Variants in DCLK1 observed in about 807,000 individuals in gnomAD.
The protein encoded by DCLK1 is doublecortin like kinase 1, also known as serine/threonine-protein kinase DCLK1.
Under a neutral mutation model 86.2 loss-of-function variants are expected in DCLK1, and 16 were observed. The ratio of observed to expected loss-of-function variants is 0.19; its 90% CI spans 0.13 to 0.28. The LOEUF is 0.28. Among genes scored for constraint, DCLK1 ranks in the 10% least tolerant of loss-of-function variants. The probability of loss-of-function intolerance (pLI) is 1.00; values close to 1 mark genes in which losing one functional copy is unlikely to be tolerated. For missense variants in DCLK1, 590 were observed against 940.2 expected, an observed-to-expected ratio of 0.63 and a Z score of 4.87; for synonymous variants, 369 against 370.5, an observed-to-expected ratio of 1.00 and a Z score of 0.05.
At chr13:35,981,658 A>T (rs575008406) in intron 3 of DCLK1, among the ~76,000 whole-genome samples, 3 of 152,284 alleles carry the variant, frequency 2.0e-5, no homozygotes, top group African/African-American at 7.2e-5. Flanking sequence ...CATCCATTGT[A>T]TTATATATCA....
intron 3 of DCLK1, among the ~76,000 whole-genome samples, chr13:36,060,946 G>C (rs576225503): frequency 6.6e-6 from 1 of 152,198 alleles, no homozygotes; most frequent in African/African-American, 2.4e-5. Flanking sequence ...TGTGATGAAT[G>C]CAACACCTGG....
intron 3 of DCLK1, among the ~76,000 whole-genome samples, chr13:36,082,484 G>A (rs1280736519): frequency 2.0e-5 from 3 of 152,070 alleles, no homozygotes; most frequent in Non-Finnish European, 4.4e-5. Context: ...TAACTGTGTG[G>A]GAGGTTGATT....
intron 3 of DCLK1, among the ~76,000 whole-genome samples, chr13:36,089,528 G>A (rs151332492): frequency 7.6e-4 from 115 of 152,188 alleles, no homozygotes; most frequent in African/African-American, 1.8e-3. Context: ...CAGGAACTCC[G>A]GGTTGTCCAT....
At chr13:35,793,538 G>A (rs2153099607) in intron 15 of DCLK1, 59 bp from the exon 16 acceptor site, 1 of 1,381,134 alleles carries the variant, frequency 7.2e-7, no homozygotes, top group East Asian at 2.3e-5. Flanking sequence ...AATGAAAAAT[G>A]AAGGCTAAAT....
At chr13:36,016,490 G>C (rs547094712) in intron 3 of DCLK1, among the ~76,000 whole-genome samples, 31 of 152,108 alleles carry the variant, frequency 2.0e-4, no homozygotes, top group Non-Finnish European at 4.4e-4. Flanking sequence ...AGCAAATCAG[G>C]CTAACGGAGC....
intron 6 of DCLK1, among the ~76,000 whole-genome samples, chr13:35,842,267 G>T (rs1039961714): frequency 3.5e-5 from 5 of 140,986 alleles, no homozygotes; most frequent in Admixed American, 1.5e-4. Context: ...AAGTTCTTCT[G>T]TAAGTTATGT....
At chr13:36,022,344 C>G (rs988728260) in intron 3 of DCLK1, among the ~76,000 whole-genome samples, 17 of 151,846 alleles carry the variant, frequency 1.1e-4, no homozygotes, top group African/African-American at 3.9e-4. Flanking sequence ...TCTAACTTTC[C>G]ACTTAAGGAA....
intron 3 of DCLK1, among the ~76,000 whole-genome samples, chr13:36,066,789 C>A (rs1410011496): frequency 1.3e-5 from 2 of 151,804 alleles, no homozygotes; most frequent in East Asian, 1.9e-4. Context: ...TTTATGCAGC[C>A]AAAAAACACA....
intron 15 of DCLK1, among the ~76,000 whole-genome samples, chr13:35,796,502 C>A (rs192730685): frequency 1.3e-5 from 2 of 152,010 alleles, no homozygotes; most frequent in Non-Finnish European, 2.9e-5. Context: ...AGCAGAGGTG[C>A]GGGGGAGGGA....
At chr13:36,087,998 T>C (rs1884674987) in intron 3 of DCLK1, among the ~76,000 whole-genome samples, 1 of 152,178 alleles carries the variant, frequency 6.6e-6, no homozygotes, top group Non-Finnish European at 1.5e-5. Context: ...AACAACAATG[T>C]TTTTTAAAAC....
At chr13:35,785,101 C>T (rs2086597156) in intron 16 of DCLK1, among the ~76,000 whole-genome samples, 1 of 152,136 alleles carries the variant, frequency 6.6e-6, no homozygotes, top group Non-Finnish European at 1.5e-5. Context: ...AGCTCACCTC[C>T]CCATTTTATC....
At chr13:35,937,457 C>T (rs1418081528) in intron 4 of DCLK1, among the ~76,000 whole-genome samples, 2 of 152,114 alleles carry the variant, frequency 1.3e-5, no homozygotes, top group Non-Finnish European at 2.9e-5. Flanking sequence ...GGAGAGAAGT[C>T]ATCAACCCTC....
chr13:36,041,173 G>A (rs1438463834), intron 3 of DCLK1, among the ~76,000 whole-genome samples: 3 of 152,068 alleles, frequency 2.0e-5, no homozygotes, highest in Admixed American at 2.0e-4. Flanking sequence ...TATACGTACT[G>A]AAAAATATTT....
At chr13:36,010,087 C>T (rs1244803688) in intron 3 of DCLK1, among the ~76,000 whole-genome samples, 1 of 41,082 alleles carries the variant, frequency 2.4e-5, no homozygotes, top group Non-Finnish European at 4.7e-5. Flanking sequence ...TATCCTGAGA[C>T]TTTGCTGAAG....
chr13:36,029,791 T>TAATG (rs747271081), intron 3 of DCLK1, among the ~76,000 whole-genome samples: 46 of 152,338 alleles, frequency 3.0e-4, no homozygotes, highest in Admixed American at 7.2e-4. Flanking sequence ...AATAACATTT[T>TAATG]AAAATGTTCA....
At chr13:36,097,039 C>T (rs138607230) in intron 3 of DCLK1, among the ~76,000 whole-genome samples, 2 of 151,228 alleles carry the variant, frequency 1.3e-5, no homozygotes, top group East Asian at 1.9e-4. Context: ...CTAGTCAAAC[C>T]GAGCTGGAGA....
chr13:36,038,936 TC>T (rs1386823466), intron 3 of DCLK1, among the ~76,000 whole-genome samples: 1 of 152,180 alleles, frequency 6.6e-6, no homozygotes, highest in Admixed American at 6.5e-5. Context: ...TAGAATGTAA[TC>T]CCCTGTGTGT....
intron 4 of DCLK1, 108 bp downstream of exon 4, chr13:35,947,250 C>G (rs1877435485): frequency 1.4e-6 from 1 of 740,710 alleles, no homozygotes; most frequent in African/African-American, 1.8e-5. Flanking sequence ...GGGTGAGGAT[C>G]TGAAACTGAT....
chr13:35,784,152 G>A (rs1281301836), intron 16 of DCLK1, among the ~76,000 whole-genome samples: 1 of 152,124 alleles, frequency 6.6e-6, no homozygotes, highest in Non-Finnish European at 1.5e-5. Context: ...CAAAATGAGG[G>A]AAAGAGATTC....
Sources: gnomAD v4.1 joint callset for allele counts (sites outside exome capture counted in the v4.1 genomes callset) on GRCh38, gnomAD v4.1.1 for gene constraint, MANE v1.5 for transcripts, NCBI Gene and HGNC (gene_info 2026-07-23, HGNC 2026-07-21) for gene names.